Variants in ADHFE1 observed in about 807,000 individuals in gnomAD.
The protein encoded by ADHFE1 is hydroxyacid-oxoacid transhydrogenase, mitochondrial.
A neutral mutation model predicts 54.8 loss-of-function variants in ADHFE1; 37 were observed. The ratio of observed to expected loss-of-function variants is 0.68; its 90% CI spans 0.52 to 0.89. The LOEUF is 0.89. Ranked by LOEUF, ADHFE1 falls within the 40% of genes least tolerant of loss-of-function variation. ADHFE1 has a pLI of 0.00. For synonymous variants in ADHFE1, 203 were observed against 229.3 expected (o/e 0.89, Z 1.04); for missense variants, 601 against 591.2 (o/e 1.02, Z -0.17).
chr8:66,460,039 G>T, intron 12 of ADHFE1: 2 of 434,642 alleles, frequency 4.6e-6, no homozygotes, highest in South Asian at 3.1e-5. Flanking sequence ...TTCTTGCCTT[G>T]TTCTGCACCT....
rs984777334 is a variant in ADHFE1, at chr8:66,439,356, A to G, written c.60-806A>G. The G allele has an allele frequency of 2.0e-6, 2 of 985,734 alleles. No homozygotes were observed. Among genetic ancestry groups the G allele is most frequent in the African/African-American group, 1.7e-5 (1 of 57,248 alleles). The allele number at this position is 985,734 out of a possible 1,614,324, so 61.1% of individuals were successfully genotyped here. A position where few individuals can be genotyped will look rare whatever the true frequency, so the allele number is the denominator to read the frequency against. Reference sequence around the variant, plus strand: ...TAAAACCGTCTTCCCAGCCTCGATCAGAGAGCGAGCAGGAGAAAGAGAAGC... The same window carrying G: ...TAAAACCGTCTTCCCAGCCTCGATCGGAGAGCGAGCAGGAGAAAGAGAAGC... On this transcript the variant is annotated intron_variant, in intron 1 of 13. Coordinates refer to ENST00000396623, the MANE Select transcript of ADHFE1 (RefSeq NM_144650.3). The surrounding 1 kb of genome is among the most constrained non-coding windows in gnomAD (Gnocchi z 4.4).
chr8:66,465,378 T>C (rs1807115317), intron 13 of ADHFE1, among the ~76,000 whole-genome samples: 1 of 152,192 alleles, frequency 6.6e-6, no homozygotes, highest in Non-Finnish European at 1.5e-5. Flanking sequence ...TCAACAACAC[T>C]TGTTATTTTT....
chr8:66,466,236 ATTTTTTT>A (rs575459850), intron 13 of ADHFE1, among the ~76,000 whole-genome samples: 7 of 119,644 alleles, frequency 5.9e-5, no homozygotes, highest in Non-Finnish European at 6.7e-5. Context: ...ACCCAGCTGA[ATTTTTTT>A]TTTTTTTTTT....
chr8:66,439,108 G>A lies in ADHFE1; in HGVS notation c.60-1054G>A. 1.1e-6 allele frequency: 1 copy of A among 869,766 alleles called. No individual in the cohort carries two copies. Among genetic ancestry groups the A allele is most frequent in the Non-Finnish European group, 1.4e-6 (1 of 724,614 alleles). The allele number at this position is 869,766 out of a possible 1,614,324, so 53.9% of individuals were successfully genotyped here. A position where few individuals can be genotyped will look rare whatever the true frequency, so the allele number is the denominator to read the frequency against. ...AACCACTAGATGGCAGCCGCGACTC[G>A]CGCCAGCTCTCACTCGCCCCCGCGT... is the stretch of plus-strand genomic sequence containing the variant. On this transcript the variant is annotated intron_variant, in intron 1 of 13. Coordinates refer to ENST00000396623, the MANE Select transcript of ADHFE1 (RefSeq NM_144650.3). The surrounding 1 kb of genome is among the most constrained non-coding windows in gnomAD (Gnocchi z 4.4).
Position 66,439,855 on chromosome 8 carries a change from T to A in ADHFE1, c.60-307T>A, listed in dbSNP as rs1805656726. 3.1e-6 allele frequency: 3 copies of A among 962,816 alleles called. No individual in the cohort carries two copies. Among genetic ancestry groups the A allele is most frequent in the Non-Finnish European group, 4.0e-6 (3 of 751,240 alleles). 59.6% of individuals were successfully genotyped at this position (962,816 alleles called of 1,614,324 possible). On this transcript the variant is annotated intron_variant, in intron 1 of 13. Coordinates refer to ENST00000396623, the MANE Select transcript of ADHFE1 (RefSeq NM_144650.3). This position sits in a 1 kb window ranked among gnomAD's most constrained non-coding sequence, Gnocchi z 4.4. ...GCTTCATGGAGACCAGAGACCCCCA[T>A]CTTAAACTTGCATGTACCCCCAGAG...
At chr8:66,447,449 C>T (rs1806088208) in intron 7 of ADHFE1, 108 bp downstream of exon 7, 1 of 907,060 alleles carries the variant, frequency 1.1e-6, no homozygotes, top group Non-Finnish European at 1.7e-6. Context: ...GAATAAGCCC[C>T]AATATTCTAT....
Position 66,458,051 on chromosome 8 carries a change from A to G in ADHFE1, c.1162+885A>G, listed in dbSNP as rs550517181. ...AAATAATGTCAATAATAAGATATCC[A>G]CAGTACCTTTTGAATCTTACCAGAA... On this transcript the variant is annotated intron_variant, in intron 12 of 13. Coordinates refer to ENST00000396623, the MANE Select transcript of ADHFE1 (RefSeq NM_144650.3). 8.5e-5 allele frequency among the ~76,000 whole-genome samples: 13 copies of G among 152,352 alleles called. No individual in the cohort carries two copies. The South Asian group carries it at 2.7e-3, about 32-fold the overall frequency.
At chr8:66,444,254 C>A (rs1805913191) in intron 3 of ADHFE1, 113 bp from the exon 4 acceptor site, 3 of 934,266 alleles carry the variant, frequency 3.2e-6, no homozygotes, top group South Asian at 3.0e-5. Flanking sequence ...GAAGACCATG[C>A]TAAGGAGTGT....
At chr8:66,451,478 C>A (rs1454172985) in intron 8 of ADHFE1, among the ~76,000 whole-genome samples, 1 of 152,160 alleles carries the variant, frequency 6.6e-6, no homozygotes, top group Non-Finnish European at 1.5e-5. Context: ...GACATCTGGG[C>A]AGCTGACCCC....
rs762090605 is a variant in ADHFE1 at position 66,444,695 on chromosome 8, T to C, written c.300T>C (p.Asn100=). Residue 100 remains asparagine, a synonymous_variant, in exon 5 of 14, where the codon AAT becomes AAC. Transcript: ENST00000396623. ...VQVAMDSLVK[N]GIPFTVYDNV... is the part of the protein sequence containing the mutation. ...TAGCTATGGATTCCCTAGTGAAGAATGGCATCCCCTTTACGGTTTATGATA... is the reference window on the plus strand; with the variant it reads ...TAGCTATGGATTCCCTAGTGAAGAACGGCATCCCCTTTACGGTTTATGATA... 11 of 1,614,112 alleles carry C rather than the reference T, an allele frequency of 6.8e-6. No individual in the cohort carries two copies. In the East Asian group the frequency reaches 1.6e-4, roughly 23 times the overall value.
chr8:66,461,802 C>T (rs1477453964), intron 13 of ADHFE1, among the ~76,000 whole-genome samples: 2 of 152,056 alleles, frequency 1.3e-5, no homozygotes, highest in East Asian at 1.9e-4. Context: ...AAATGTAGTC[C>T]GTGAACCACC....
intron 8 of ADHFE1, among the ~76,000 whole-genome samples, chr8:66,450,033 G>A (rs1270908158): frequency 6.6e-6 from 1 of 152,182 alleles, no homozygotes; most frequent in East Asian, 1.9e-4. Flanking sequence ...CACATCCTAG[G>A]TACTTGTATA....
intron 1 of ADHFE1, among the ~76,000 whole-genome samples, chr8:66,434,812 T>A (rs1805379686): frequency 6.6e-6 from 1 of 152,178 alleles, no homozygotes; most frequent in African/African-American, 2.4e-5. Context: ...AAGAGTCACA[T>A]TCCGTCTCCA....
At chr8:66,454,635 C>T (rs1806476342) in intron 10 of ADHFE1, among the ~76,000 whole-genome samples, 1 of 152,100 alleles carries the variant, frequency 6.6e-6, no homozygotes, top group Admixed American at 6.5e-5. Context: ...AAAGAAATCC[C>T]ATACCTCCTA....
At chr8:66,452,786 G>A in intron 9 of ADHFE1, among the ~76,000 whole-genome samples, 1 of 152,256 alleles carries the variant, frequency 6.6e-6, no homozygotes, top group East Asian at 1.9e-4. Context: ...ATAGCCATAG[G>A]CTACAGGAGA....
chr8:66,440,788 C>T, intron 2 of ADHFE1, among the ~76,000 whole-genome samples: 1 of 152,196 alleles, frequency 6.6e-6, no homozygotes, highest in East Asian at 1.9e-4. Context: ...CTAAGAATGT[C>T]ACATGGATTA....
intron 12 of ADHFE1, among the ~76,000 whole-genome samples, chr8:66,458,554 T>C (rs1806718700): frequency 6.6e-6 from 1 of 152,180 alleles, no homozygotes; most frequent in Admixed American, 6.5e-5. Context: ...GCGCAAATCA[T>C]AGGCTACATT....
At chr8:66,450,239 G>A (rs377248596) in intron 8 of ADHFE1, among the ~76,000 whole-genome samples, 1 of 152,200 alleles carries the variant, frequency 6.6e-6, no homozygotes, top group Non-Finnish European at 1.5e-5. Flanking sequence ...GGGGAATAAG[G>A]TTATCCTTCC....
At chr8:66,450,555 G>A (rs1173365873) in intron 8 of ADHFE1, among the ~76,000 whole-genome samples, 4 of 152,264 alleles carry the variant, frequency 2.6e-5, no homozygotes, top group Non-Finnish European at 5.9e-5. Context: ...GGGCTTGACT[G>A]TAGGGAGAGA....
Sources: allele counts gnomAD v4.1 joint callset (sites outside exome capture counted in the v4.1 genomes callset), GRCh38; gene constraint gnomAD v4.1.1; non-coding constraint Gnocchi (gnomAD v3.1); transcripts MANE v1.5; gene names NCBI Gene and HGNC (gene_info 2026-07-23, HGNC 2026-07-21).